FBN1: variants seen among roughly 807,000 people sequenced by gnomAD.
FBN1 encodes the protein fibrillin 1.
In FBN1, 29 loss-of-function variants were observed where a neutral mutation model predicts 365.1. The ratio of observed to expected loss-of-function variants is 0.08; its 90% CI spans 0.06 to 0.11. FBN1 has a LOEUF of 0.11. Among genes scored for constraint, FBN1 ranks in the 10% least tolerant of loss-of-function variants. FBN1 has a pLI of 1.00. For synonymous variants in FBN1, 1,210 were observed against 1,270.5 expected (o/e 0.95, Z 1.01); for missense variants, 2,476 against 3,703.2 (o/e 0.67, Z 8.60).
intron 37 of FBN1, 128 bp from the exon 38 acceptor site, chr15:48,468,230 T>C: frequency 7.3e-7 from 1 of 1,366,676 alleles, no homozygotes; most frequent in Non-Finnish European, 1.0e-6. Flanking sequence ...AAAGTGCCCA[T>C]GAACATTATA....
intron 60 of FBN1, among the ~76,000 whole-genome samples, chr15:48,424,844 G>A (rs947811216): frequency 6.6e-5 from 10 of 152,148 alleles, no homozygotes; most frequent in African/African-American, 2.4e-4. Flanking sequence ...AGCTTTTCTG[G>A]TTCTTAATTC....
At chr15:48,468,785 T>C (rs759907819) in intron 36 of FBN1, among the ~76,000 whole-genome samples, 2 of 149,748 alleles carry the variant, frequency 1.3e-5, no homozygotes, top group Non-Finnish European at 3.0e-5. Flanking sequence ...AATATAACTT[T>C]GGGCCGGGCA....
intron 41 of FBN1, 41 bp from the exon 42 acceptor site, chr15:48,463,281 GC>G: frequency 6.3e-7 from 1 of 1,590,326 alleles, no homozygotes; most frequent in Non-Finnish European, 8.6e-7. Context: ...GGTTGGTGAT[GC>G]CATGTGGGAA....
intron 2 of FBN1, among the ~76,000 whole-genome samples, chr15:48,613,844 C>G (rs2044675687): frequency 6.6e-6 from 1 of 152,136 alleles, no homozygotes; most frequent in Admixed American, 6.5e-5. Context: ...ACGAGAATCG[C>G]TTGAATCTGG....
chr15:48,592,197 T>C (rs1333929689), intron 6 of FBN1, among the ~76,000 whole-genome samples: 1 of 152,198 alleles, frequency 6.6e-6, no homozygotes, highest in Non-Finnish European at 1.5e-5. Flanking sequence ...GGTTCAATGC[T>C]CTCCTGGTTC....
In FBN1 at chr15:48,465,803, G is replaced by A. The variant is rs747757998; in HGVS notation, c.4803C>T (p.Thr1601=). ...GGEGFRPNPI[T]VILEDIDECQ... ...AAACACAATTACCTTCCAATATAAC[G>A]GTGATAGGATTTGGTCGGAAACCTT... The change falls in exon 39 of 66, where the codon ACC becomes ACT. Residue 1601 remains threonine (T), a synonymous_variant. Transcript: ENST00000316623. The A allele has an allele frequency of 3.2e-5, 51 of 1,613,428 alleles. No homozygotes were observed. The highest frequency in any genetic ancestry group is 6.7e-5 in the African/African-American group (5 of 74,890).
At chr15:48,552,879 T>G (rs2044154111) in intron 6 of FBN1, among the ~76,000 whole-genome samples, 1 of 152,190 alleles carries the variant, frequency 6.6e-6, no homozygotes, top group South Asian at 2.1e-4. Flanking sequence ...TTTACCCAAA[T>G]GCAAATGAGA....
At chr15:48,445,687 T>C (rs1195106870) in intron 47 of FBN1, among the ~76,000 whole-genome samples, 183 bp from the exon 48 acceptor site, 1 of 152,132 alleles carries the variant, frequency 6.6e-6, no homozygotes, top group East Asian at 1.9e-4. Context: ...TAAGCACCTA[T>C]ACACATTTAA....
At chr15:48,605,066 T>G (rs896005897) in intron 4 of FBN1, among the ~76,000 whole-genome samples, 2 of 152,178 alleles carry the variant, frequency 1.3e-5, no homozygotes, top group Non-Finnish European at 2.9e-5. Flanking sequence ...TATAAGGGGT[T>G]TGAAAAGTGT....
At chr15:48,456,786 G>A (rs1363035264) in intron 43 of FBN1, 24 bp from the exon 44 acceptor site, 5 of 1,610,496 alleles carry the variant, frequency 3.1e-6, no homozygotes, top group Non-Finnish European at 4.2e-6. Context: ...AGTCATTCAT[G>A]AGTGACAGGA....
At chr15:48,489,474 C>T (rs1022671626) in intron 25 of FBN1, among the ~76,000 whole-genome samples, 1 of 152,034 alleles carries the variant, frequency 6.6e-6, no homozygotes, top group Non-Finnish European at 1.5e-5. Flanking sequence ...TCAAGAAATA[C>T]GCAAGTAATT....
At chr15:48,429,122 TA>T (rs1350323150) in intron 56 of FBN1, among the ~76,000 whole-genome samples, 4 of 152,234 alleles carry the variant, frequency 2.6e-5, no homozygotes, top group African/African-American at 9.6e-5. Context: ...TTTCACTTAG[TA>T]AAATTTAAAT....
At chr15:48,615,753 G>A (rs1889639093) in intron 2 of FBN1, among the ~76,000 whole-genome samples, 1 of 124,468 alleles carries the variant, frequency 8.0e-6, no homozygotes, top group East Asian at 2.1e-4. Flanking sequence ...TTAAAGTTGT[G>A]AAGAAGAAGA....
At chr15:48,627,305 C>T (rs1889903414) in intron 2 of FBN1, among the ~76,000 whole-genome samples, 1 of 152,198 alleles carries the variant, frequency 6.6e-6, no homozygotes, top group African/African-American at 2.4e-5. Context: ...TAGATTGGCA[C>T]TTCTGTTTCT....
At chr15:48,427,894 G>C (rs1331348375) in intron 57 of FBN1, 121 bp from the exon 58 acceptor site, 1 of 841,864 alleles carries the variant, frequency 1.2e-6, no homozygotes, top group African/African-American at 1.7e-5. Context: ...TGGGTGAGAA[G>C]AAGCAAGAGG....
rs553713786 is a variant in FBN1 at position 48,503,769 on chromosome 15, C to T, written c.2113+18G>A. On this transcript the variant is annotated intron_variant, in intron 17 of 65. Coordinates refer to ENST00000316623, the MANE Select transcript of FBN1 (RefSeq NM_000138.5). ...CAGAAGGCTGGCAGTACGAGGGCAT[C>T]TCCATGATACCACATACCTGAATTC... 5.6e-6 allele frequency: 9 copies of T among 1,613,366 alleles called. No homozygotes were observed. The East Asian group carries it at 1.8e-4, about 32-fold the overall frequency.
chr15:48,433,217 A>T (rs2043037566), intron 54 of FBN1, among the ~76,000 whole-genome samples: 1 of 152,146 alleles, frequency 6.6e-6, no homozygotes, highest in South Asian at 2.1e-4. Context: ...GCACAGTCCC[A>T]GTTTATGTTT....
chr15:48,465,650 T>A lies in FBN1; in HGVS notation c.4860A>T (p.Gly1620=). ...CQELPGLCQG[G]KCINTFGSFQ... is the part of the protein sequence containing the mutation. ...AACTCCCAAAGGTGTTGATACATTT[T>A]CCTCCTTGGCACAGCCCTGGTAGCT... Residue 1620 remains glycine (G), a synonymous_variant, in exon 40 of 66, where the codon GGA becomes GGT. Coordinates refer to ENST00000316623, the MANE Select transcript of FBN1 (RefSeq NM_000138.5). 6.2e-7 allele frequency: 1 copy of A among 1,614,108 alleles called. No homozygotes were observed. The highest frequency in any genetic ancestry group is 8.5e-7 in the Non-Finnish European group (1 of 1,179,976).
Position 48,469,505 on chromosome 15 carries a change from C to T in FBN1, c.4460-971G>A, listed in dbSNP as rs552989728. ...GGGTTTTGGCAAATTCCACTCTGTA[C>T]AATTCCTTTTGTCTGTTTTGAACAC... On this transcript the variant is annotated intron_variant, in intron 36 of 65. Transcript: ENST00000316623. Among the ~76,000 whole-genome samples the T allele has an allele frequency of 9.2e-5, 14 of 152,200 alleles. No individual in the cohort carries two copies. The East Asian group carries it at 2.5e-3, about 27-fold the overall frequency.
Sources: allele counts gnomAD v4.1 joint callset (sites outside exome capture counted in the v4.1 genomes callset), GRCh38; gene constraint gnomAD v4.1.1; transcripts MANE v1.5; gene names NCBI Gene and HGNC (gene_info 2026-07-23, HGNC 2026-07-21).